TASOR2: variants seen among roughly 807,000 people sequenced by gnomAD.
TASOR2 encodes transcription activation suppressor family member 2.
Under a neutral mutation model 199.5 loss-of-function variants are expected in TASOR2, and 84 were observed. That is an observed-to-expected ratio of 0.42 (90% CI 0.35 to 0.50). The LOEUF (loss-of-function observed/expected upper bound fraction) is 0.50. Ranked by LOEUF, TASOR2 falls within the 20% of genes least tolerant of loss-of-function variation. TASOR2 has a pLI of 0.02. For missense variants in TASOR2, 2,796 were observed against 2,835.9 expected, an observed-to-expected ratio of 0.99 and a Z score of 0.32; for synonymous variants, 1,103 against 1,046.6, an observed-to-expected ratio of 1.05 and a Z score of -1.04.
At chr10:5,739,548 T>C (rs1836085928) in intron 12 of TASOR2, 70 bp from the exon 14 acceptor site, 2 of 1,411,592 alleles carry the variant, frequency 1.4e-6, no homozygotes, top group African/African-American at 1.4e-5. Context: ...TTAACCATCA[T>C]AGTAATATGG....
chr10:5,747,398 C>T lies in TASOR2; in HGVS notation c.3977C>T (p.Pro1326Leu), dbSNP rs564549297. ...GATGTAGCTGAGGAAATAGGTGAAC[C>T]GGAAGAGGTGGCTCTCACAGAAAGC... The change falls in exon 15 of 21, where the codon CCG becomes CTG. Residue 1326 changes from proline to leucine, a missense_variant. Around this residue, in one of 3 missense-constraint regions of TASOR2, gnomAD observed 1,941 missense variants for 1,924.9 expected, o/e 1.01. Coordinates refer to ENST00000328090, the Ensembl canonical transcript of TASOR2. 11 of 1,614,024 alleles carry T rather than the reference C, an allele frequency of 6.8e-6. No homozygotes were observed. The highest frequency in any genetic ancestry group is 3.3e-5 in the Admixed American group (2 of 60,012).
exon 21 of TASOR2, chr10:5,763,232 G>A (rs1001455740): frequency 1.2e-5 from 6 of 521,506 alleles, no homozygotes; most frequent in Non-Finnish European, 2.0e-5. Flanking sequence ...TTAGCTTTGG[G>A]TTGCAGTGCT....
chr10:5,723,867 C>G, intron 7 of TASOR2, 90 bp downstream of exon 8: 1 of 691,014 alleles, frequency 1.4e-6, no homozygotes, highest in Admixed American at 3.3e-5. Flanking sequence ...ATGCACACTT[C>G]TGTTTCATCA....
intron 14 of TASOR2, 67 bp from the exon 16 acceptor site, chr10:5,746,112 A>G: frequency 6.9e-7 from 1 of 1,448,676 alleles, no homozygotes; most frequent in East Asian, 2.3e-5. Flanking sequence ...CTTCACATGT[A>G]CATATAATCG....
In TASOR2 at chr10:5,720,302, A is replaced by G. The variant is rs1254343385; in HGVS notation, c.-99-242A>G. ...GTCTGAGAATTATACAACTAACTAT[A>G]CTAAGCCATCTTCTGGCTATGATTG... On this transcript the variant is annotated intron_variant, in intron 3 of 20. Coordinates refer to ENST00000328090, the Ensembl canonical transcript of TASOR2. The surrounding 1 kb of genome is among the most constrained non-coding windows in gnomAD (Gnocchi z 5.3). 1.0e-6 allele frequency: 1 copy of G among 985,248 alleles called. No individual in the cohort carries two copies. Among genetic ancestry groups the G allele is most frequent in the Non-Finnish European group, 1.2e-6 (1 of 829,854 alleles). The allele number at this position is 985,248 out of a possible 1,614,324, so 61.0% of individuals were successfully genotyped here.
intron 11 of TASOR2, among the ~76,000 whole-genome samples, chr10:5,733,823 GTAAT>G (rs1299879072): frequency 6.6e-6 from 1 of 152,072 alleles, no homozygotes; most frequent in Non-Finnish European, 1.5e-5. Flanking sequence ...TTTAGAAAAT[GTAAT>G]TAGAGTGTAA....
rs566192609 is a variant in TASOR2, at chr10:5,689,473, G to C, written c.-288+4298G>C. 3.3e-5 allele frequency among the ~76,000 whole-genome samples: 5 copies of C among 152,040 alleles called. No homozygotes were observed. The highest frequency in any genetic ancestry group is 6.5e-5 in the Admixed American group (1 of 15,272). On this transcript the variant is annotated intron_variant, in intron 1 of 20. Coordinates refer to ENST00000328090, the Ensembl canonical transcript of TASOR2. This position sits in a 1 kb window ranked among gnomAD's most constrained non-coding sequence, Gnocchi z 4.1. The stretch of plus-strand genomic sequence containing the variant: ...AAATTATCCCGGCATGGGGGTGCGC[G>C]CCTGTAGTCCCAGCTACTCGGGAGG...
Position 5,722,092 on chromosome 10 carries a change from G to A in TASOR2, c.146+1122G>A, listed in dbSNP as rs1335247901. Among the ~76,000 whole-genome samples, 1 of 152,160 alleles carries A rather than the reference G, an allele frequency of 6.6e-6. No individual in the cohort carries two copies. Among genetic ancestry groups the A allele is most frequent in the African/African-American group, 2.4e-5 (1 of 41,426 alleles). ...GTTGGCAGCATTTGAATAAGATGTA[G>A]GTTAAGTCATAGTATCGTTATCATT... On this transcript the variant is annotated intron_variant, in intron 6 of 20. Coordinates refer to ENST00000328090, the Ensembl canonical transcript of TASOR2. This position sits in a 1 kb window ranked among gnomAD's most constrained non-coding sequence, Gnocchi z 4.0.
intron 1 of TASOR2, among the ~76,000 whole-genome samples, chr10:5,700,782 G>T (rs1448047607): frequency 1.6e-5 from 2 of 121,516 alleles, no homozygotes; most frequent in Admixed American, 8.7e-5. Context: ...TGGATTATTT[G>T]TGGGGGTGTG....
intron 1 of TASOR2, chr10:5,712,425 T>C: frequency 8.1e-7 from 1 of 1,231,722 alleles, no homozygotes; most frequent in South Asian, 4.1e-5. Context: ...GTTCAGACTC[T>C]CTCTTCCAGA....
Position 5,685,858 on chromosome 10 carries a change from T to G in TASOR2, c.-288+683T>G, listed in dbSNP as rs1168758730. Among the ~76,000 whole-genome samples, 5 of 152,266 alleles carry G rather than the reference T, an allele frequency of 3.3e-5. No homozygotes were observed. Among genetic ancestry groups the G allele is most frequent in the African/African-American group, 1.2e-4 (5 of 41,474 alleles). ...TTAAACAAACCACGCTTACTCTTCCTTATTCTCCCTGTAAGGTACAATTAG... is the reference window on the plus strand; with the variant it reads ...TTAAACAAACCACGCTTACTCTTCCGTATTCTCCCTGTAAGGTACAATTAG... On this transcript the variant is annotated intron_variant, in intron 1 of 20. Coordinates refer to ENST00000328090, the Ensembl canonical transcript of TASOR2. The surrounding 1 kb of genome is among the most constrained non-coding windows in gnomAD (Gnocchi z 5.4).
At position 5,748,646 on chromosome 10, in the gene TASOR2, A is replaced by C. The variant is rs565935046; in HGVS notation, c.5225A>C (p.Lys1742Thr). The change falls in exon 15 of 21, where the codon AAG becomes ACG. Residue 1742 changes from lysine (K) to threonine (T), a missense_variant. By Grantham distance (78) the Lys-to-Thr change is moderately conservative (BLOSUM62 -1). Coordinates refer to ENST00000328090, the Ensembl canonical transcript of TASOR2. This position sits in a 1 kb window ranked among gnomAD's most constrained non-coding sequence, Gnocchi z 5.1. ...CAAGATGTGTCAACATGTGAAACAA[A>C]GGAGCTATTGAATGTCGGGGTTTCC... 6 of 1,614,116 alleles carry C rather than the reference A, an allele frequency of 3.7e-6. No individual in the cohort carries two copies. The highest frequency in any genetic ancestry group is 1.3e-5 in the African/African-American group (1 of 74,942).
At chr10:5,717,428 T>A (rs1832800217) in intron 2 of TASOR2, among the ~76,000 whole-genome samples, 1 of 152,150 alleles carries the variant, frequency 6.6e-6, no homozygotes, top group Admixed American at 6.5e-5. Flanking sequence ...TCTTCCACTG[T>A]ATCAGTTTTC....
chr10:5,757,618 T>A (rs1020868595), exon 17 of TASOR2: 6 of 1,613,792 alleles, frequency 3.7e-6, no homozygotes, highest in Non-Finnish European at 5.1e-6. Context: ...AAGAACTGTT[T>A]CGTGCAGGAG....
chr10:5,746,235 G>T, exon 15 of TASOR2: 2 of 1,611,426 alleles, frequency 1.2e-6, no homozygotes, highest in South Asian at 2.2e-5. Flanking sequence ...TTGTGCTTTC[G>T]GGTATTGGAA....
chr10:5,718,620 G>A lies in TASOR2; in HGVS notation c.-100+870G>A, dbSNP rs188826820. Among the ~76,000 whole-genome samples the A allele has an allele frequency of 2.3e-3, 343 of 152,002 alleles. 1 individual carries two copies. Among genetic ancestry groups the A allele is most frequent in the Non-Finnish European group, 2.4e-3 (164 of 67,946 alleles). ...AAAAGTATAAAAAAATTAGCCTGAC[G>A]TGGTGGCGGGTGCCTGTAATCCCAG... On this transcript the variant is annotated intron_variant, in intron 3 of 20. Transcript: ENST00000328090.
At chr10:5,721,030 T>A in intron 6 of TASOR2, 60 bp downstream of exon 7, 1 of 1,334,888 alleles carries the variant, frequency 7.5e-7, no homozygotes. Context: ...GGGGTTTTTT[T>A]TCCTCACCTC....
chr10:5,712,203 CT>C, intron 1 of TASOR2: 1 of 356,922 alleles, frequency 2.8e-6, no homozygotes, highest in East Asian at 4.3e-5. Flanking sequence ...AGTAATTCAG[CT>C]TCAGTTCTAA....
intron 19 of TASOR2, chr10:5,761,743 C>G (rs1839869778): frequency 3.7e-6 from 1 of 271,752 alleles, no homozygotes; most frequent in Non-Finnish European, 6.9e-6. Context: ...TTTTTTAAAT[C>G]AATACTGGGG....
Sources: allele counts gnomAD v4.1 joint callset (sites outside exome capture counted in the v4.1 genomes callset), GRCh38; gene constraint gnomAD v4.1.1; regional missense constraint gnomAD v4.1.1; non-coding constraint Gnocchi (gnomAD v3.1); transcripts MANE v1.5; gene names NCBI Gene and HGNC (gene_info 2026-07-23, HGNC 2026-07-21).